Variants in TRPM4 observed in about 807,000 individuals in gnomAD.
The protein encoded by TRPM4 is transient receptor potential cation channel subfamily M member 4, also known as calcium-activated non-selective cation channel 1.
Under a neutral mutation model 135.6 loss-of-function variants are expected in TRPM4, and 124 were observed. The observed-to-expected ratio is 0.91, with a 90% confidence interval of 0.79 to 1.06. The LOEUF is 1.06. Ranked by LOEUF, TRPM4 falls within the 50% of genes least tolerant of loss-of-function variation. The pLI is 0.00. For missense variants in TRPM4, 1,658 were observed against 1,671.4 expected, an observed-to-expected ratio of 0.99 and a Z score of 0.14; for synonymous variants, 745 against 705.6, an observed-to-expected ratio of 1.06 and a Z score of -0.88.
intron 19 of TRPM4, 68 bp from the exon 20 acceptor site, chr19:49,201,896 C>G (rs1228435435): frequency 1.1e-5 from 18 of 1,566,466 alleles, no homozygotes; most frequent in Non-Finnish European, 1.5e-5. Flanking sequence ...CCACCGCGCC[C>G]GGCAGTCTTC....
At chr19:49,162,682 AC>A (rs948823641) in intron 2 of TRPM4, among the ~76,000 whole-genome samples, 1 of 152,140 alleles carries the variant, frequency 6.6e-6, no homozygotes. Context: ...GATTTTGGAA[AC>A]GTTCTATGTC....
At chr19:49,177,953 C>A (rs1967764396) in intron 9 of TRPM4, among the ~76,000 whole-genome samples, 2 of 152,130 alleles carry the variant, frequency 1.3e-5, no homozygotes, top group Admixed American at 1.3e-4. Flanking sequence ...TAGGGCCAAA[C>A]CACCCAGGAC....
At position 49,210,229 on chromosome 19, in the gene TRPM4, A is replaced by AG; in HGVS notation, c.3155dup (p.Asn1053GlnfsTer63). On this transcript the variant is annotated frameshift_variant, in exon 21 of 25. Coordinates refer to ENST00000252826, the MANE Select transcript of TRPM4 (RefSeq NM_017636.4). LOFTEE classifies it high-confidence loss of function. This position sits in a 1 kb window ranked among gnomAD's most constrained non-coding sequence, Gnocchi z 4.1. The stretch of plus-strand genomic sequence containing the variant: ...TGCAGTTACACATTCGGCAAAGTAC[A>AG]GGGCAACAGCGATCTCTACTGGAAG... The AG allele has an allele frequency of 1.9e-6, 3 of 1,614,240 alleles. No individual in the cohort carries two copies. Among genetic ancestry groups the AG allele is most frequent in the Non-Finnish European group, 2.5e-6 (3 of 1,180,040 alleles).
At chr19:49,168,521 G>T in intron 5 of TRPM4, 32 bp from the exon 6 acceptor site, 1 of 1,613,838 alleles carries the variant, frequency 6.2e-7, no homozygotes, top group Non-Finnish European at 8.5e-7. Flanking sequence ...CCCCGATGAG[G>T]AGACGCCCTG....
Position 49,196,527 on chromosome 19 carries a change from C to A in TRPM4, c.2298C>A (p.Arg766=). 6.4e-7 allele frequency: 1 copy of A among 1,553,988 alleles called. No individual in the cohort carries two copies. The highest frequency in any genetic ancestry group is 1.7e-4 in the Middle Eastern group (1 of 5,996). The stretch of plus-strand genomic sequence containing the variant: ...GCTGCGGGGGCCGCTGCGGGGGGCG[C>A]CGGTGCCTACGCCGCTGGTTCCACT... The part of the protein sequence containing the change: ...PGCCGGRCGG[R]RCLRRWFHFW... The change falls in exon 17 of 25, where the codon CGC becomes CGA. Residue 766 remains arginine (R), a synonymous_variant. Transcript: ENST00000252826.
chr19:49,182,941 T>TGGGGGGA lies in TRPM4; in HGVS notation c.1608+25_1608+26insAGGGGGG, dbSNP rs869079125. On this transcript the variant is annotated intron_variant, in intron 11 of 24. Transcript: ENST00000252826. ...GGAGAGCGTAAGGACCGGGCAAAGC[T>TGGGGGGA]GGGGGGCCCCCCCGCGCGGGAAGGA... 7 of 1,583,284 alleles carry TGGGGGGA rather than the reference T, an allele frequency of 4.4e-6. No individual in the cohort carries two copies. The Middle Eastern group carries it at 8.6e-4, about 194-fold the overall frequency.
chr19:49,190,738 C>T lies in TRPM4; in HGVS notation c.2175C>T (p.Asp725=). ...EEPTREELEF[D]MDSVINGEGP... ...CCACACGGGAGGAGCTAGAGTTTGA[C>T]ATGGATAGTGTCATTAATGGGGAAG... is the stretch of plus-strand genomic sequence containing the variant. Residue 725 remains aspartate, a synonymous_variant, in exon 16 of 25, where the codon GAC becomes GAT. Transcript: ENST00000252826. 3 of 1,614,122 alleles carry T rather than the reference C, an allele frequency of 1.9e-6. No individual in the cohort carries two copies. The highest frequency in any genetic ancestry group is 2.5e-6 in the Non-Finnish European group (3 of 1,180,032).
chr19:49,196,430 TC>T lies in TRPM4; in HGVS notation c.2211-5del. ...TGAGGCCTCCTCCCTTCTCTTCTCTTCCCCCACAGGACGGCGGACCCAGCCG... is the reference window on the plus strand; with the variant it reads ...TGAGGCCTCCTCCCTTCTCTTCTCTTCCCCACAGGACGGCGGACCCAGCCG... On this transcript the variant is annotated splice_polypyrimidine_tract_variant and intron_variant, in intron 16 of 24. Coordinates refer to ENST00000252826, the MANE Select transcript of TRPM4 (RefSeq NM_017636.4). The T allele has an allele frequency of 1.3e-6, 2 of 1,530,696 alleles. No homozygotes were observed. Among genetic ancestry groups the T allele is most frequent in the Non-Finnish European group, 1.8e-6 (2 of 1,142,006 alleles). The allele number at this position is 1,530,696 out of a possible 1,614,324, so 94.8% of individuals were successfully genotyped here.
At chr19:49,183,351 T>C in intron 12 of TRPM4, 139 bp downstream of exon 12, 1 of 937,786 alleles carries the variant, frequency 1.1e-6, no homozygotes, top group Non-Finnish European at 1.7e-6. Flanking sequence ...GATATATGCC[T>C]CCAACTGCTT....
At chr19:49,188,447 G>A (rs1460306197) in intron 12 of TRPM4, among the ~76,000 whole-genome samples, 194 bp from the exon 13 acceptor site, 1 of 152,108 alleles carries the variant, frequency 6.6e-6, no homozygotes, top group East Asian at 1.9e-4. Flanking sequence ...CCTGGTCTCT[G>A]AACCACCTGA....
intron 2 of TRPM4, among the ~76,000 whole-genome samples, chr19:49,163,716 A>G (rs1967058771): frequency 6.6e-6 from 1 of 152,044 alleles, no homozygotes; most frequent in African/African-American, 2.4e-5. Flanking sequence ...GCTGTTCTCA[A>G]ACTCCTGGGC....
intron 17 of TRPM4, among the ~76,000 whole-genome samples, chr19:49,198,309 A>G (rs1968775023): frequency 6.6e-6 from 1 of 152,182 alleles, no homozygotes. Context: ...CAGTTTATCA[A>G]GCCTACCACT....
Position 49,188,728 on chromosome 19 carries a change from C to T in TRPM4, c.1831C>T (p.Arg611Trp), listed in dbSNP as rs753056917. The change falls in exon 13 of 25, where the codon CGG becomes TGG. Residue 611 changes from arginine (R) to tryptophan (W), a missense_variant. Around this residue, in one of 3 missense-constraint regions of TRPM4, gnomAD observed 1,412 missense variants for 1,408.7 expected, o/e 1.00. Transcript: ENST00000252826. ...GGAGCCTGACGCTGAGGAGGCAGCA[C>T]GGAGGAAAGACCTGGCGTTCAAGTT... Reference protein sequence around the residue: ...RLEPDAEEAARRKDLAFKFEG... With the variant: ...RLEPDAEEAAWRKDLAFKFEG... 1.9e-6 allele frequency: 3 copies of T among 1,614,082 alleles called. No individual in the cohort carries two copies. The highest frequency in any genetic ancestry group is 2.2e-5 in the East Asian group (1 of 44,892).
intron 9 of TRPM4, among the ~76,000 whole-genome samples, chr19:49,180,082 A>G (rs1967858260): frequency 6.6e-6 from 1 of 152,194 alleles, no homozygotes; most frequent in Admixed American, 6.5e-5. Flanking sequence ...CCTCCACTAC[A>G]TGAGATTATC....
Position 49,183,061 on chromosome 19 carries a change from C to T in TRPM4, c.1609-17C>T. 2 of 1,610,736 alleles carry T rather than the reference C, an allele frequency of 1.2e-6. No individual in the cohort carries two copies. Among genetic ancestry groups the T allele is most frequent in the Non-Finnish European group, 1.7e-6 (2 of 1,179,982 alleles). On this transcript the variant is annotated splice_polypyrimidine_tract_variant and intron_variant, in intron 11 of 24. Transcript: ENST00000252826. ...TGGGGAGGGGCTGGTCCTCACCACC[C>T]CTCCTTTTGCTGGCAGATGTATCTG...
intron 2 of TRPM4, among the ~76,000 whole-genome samples, chr19:49,162,564 A>G (rs568961937): frequency 6.6e-6 from 1 of 151,412 alleles, no homozygotes; most frequent in South Asian, 2.1e-4. Flanking sequence ...AAACAAACAA[A>G]CAAAAAAACA....
rs1600544938 is a variant in TRPM4, at chr19:49,210,645, G to A, written c.3329-65G>A. ...ATAGCGTGCGTGTTCTGAGGGTGTC[G>A]GAAGGGGCAGCTGGGATTGGGAAGG... is the stretch of plus-strand genomic sequence containing the variant. On this transcript the variant is annotated intron_variant, in intron 21 of 24. Transcript: ENST00000252826. This position sits in a 1 kb window ranked among gnomAD's most constrained non-coding sequence, Gnocchi z 4.1. The A allele has an allele frequency of 1.9e-5, 30 of 1,612,296 alleles. No homozygotes were observed. The highest frequency in any genetic ancestry group is 1.7e-4 in the Middle Eastern group (1 of 6,056).
chr19:49,198,540 C>T lies in TRPM4; in HGVS notation c.2645+1666C>T, dbSNP rs574023746. Reference sequence around the variant, plus strand: ...GCAGGCGCCTGTAATCCCAGCTACTCGGGAGGCTGAGGCAGGATAATTGCC... The same window carrying T: ...GCAGGCGCCTGTAATCCCAGCTACTTGGGAGGCTGAGGCAGGATAATTGCC... On this transcript the variant is annotated intron_variant, in intron 17 of 24. Coordinates refer to ENST00000252826, the MANE Select transcript of TRPM4 (RefSeq NM_017636.4). Among the ~76,000 whole-genome samples, 726 of 149,690 alleles carry T rather than the reference C, an allele frequency of 4.9e-3. 3 individuals carry two copies. The highest frequency in any genetic ancestry group is 5.6e-3 in the Non-Finnish European group (379 of 67,680).
Position 49,166,202 on chromosome 19 carries a change from G to A in TRPM4, c.254G>A (p.Arg85His), listed in dbSNP as rs771687834. 3.1e-6 allele frequency: 5 copies of A among 1,604,054 alleles called. No homozygotes were observed. The South Asian group carries it at 4.5e-5, about 14-fold the overall frequency. Residue 85 changes from arginine to histidine, a missense_variant, in exon 3 of 25, where the codon CGC becomes CAC. Physicochemically the swap from Arg to His is conservative, Grantham distance 29 (BLOSUM62 0). Coordinates refer to ENST00000252826, the MANE Select transcript of TRPM4 (RefSeq NM_017636.4). The stretch of plus-strand genomic sequence containing the variant: ...GAGCTGGACTTCACGGGGGCCGGCC[G>A]CAAGCACAGCAATGTGAGGCGGGCC... ...YGELDFTGAGRKHSNFLRLSD... is the reference protein window; with the variant it reads ...YGELDFTGAGHKHSNFLRLSD...
Sources: allele counts gnomAD v4.1 joint callset (sites outside exome capture counted in the v4.1 genomes callset), GRCh38; gene constraint gnomAD v4.1.1; regional missense constraint gnomAD v4.1.1; non-coding constraint Gnocchi (gnomAD v3.1); transcripts MANE v1.5; gene names NCBI Gene and HGNC (gene_info 2026-07-23, HGNC 2026-07-21).